PDE1C: variants seen among roughly 807,000 people sequenced by gnomAD.
PDE1C encodes phosphodiesterase 1C, also known as dual specificity calcium/calmodulin-dependent 3',5'-cyclic nucleotide phosphodiesterase 1C.
Under a neutral mutation model 93.1 loss-of-function variants are expected in PDE1C, and 62 were observed. The observed-to-expected ratio is 0.67, with a 90% CI of 0.54 to 0.82. The LOEUF is 0.82. PDE1C is among the 40% of genes least tolerant of loss of function. The pLI, the probability that PDE1C is intolerant of heterozygous loss-of-function variation, is 0.00. For synonymous variants in PDE1C, 325 were observed against 310.1 expected (o/e 1.05, Z -0.50); for missense variants, 742 against 884.6 (o/e 0.84, Z 2.04).
At chr7:31,621,276 G>A in the PDE1C span, among the ~76,000 whole-genome samples, 33 of 109,566 alleles carry the variant, frequency 3.0e-4, no homozygotes, top group Admixed American at 2.0e-3. Context: ...GATACTCCTC[G>A]AGAAGAGCAA....
intron 12 of PDE1C, 23 bp downstream of exon 12, chr7:31,828,269 T>C (rs372336627): frequency 1.4e-5 from 23 of 1,594,226 alleles, no homozygotes; most frequent in Middle Eastern, 1.7e-4. Context: ...GGTGCTTCTA[T>C]CCAAAGAGCT....
At chr7:31,818,295 G>A (rs1367972977) in intron 14 of PDE1C, among the ~76,000 whole-genome samples, 8 of 152,170 alleles carry the variant, frequency 5.3e-5, no homozygotes, top group Non-Finnish European at 8.8e-5. Context: ...TCTTGCAGAA[G>A]AAGATGGTGA....
At chr7:32,054,732 T>C (rs7790942) in intron 1 of PDE1C, among the ~76,000 whole-genome samples, 1 of 152,140 alleles carries the variant, frequency 6.6e-6, no homozygotes, top group Non-Finnish European at 1.5e-5. Context: ...TTGTAAAGTT[T>C]CCCCCTTCAA....
In PDE1C at chr7:32,152,201, A is replaced by T. The variant is rs543716809; in HGVS notation, c.308+17584T>A. Among the ~76,000 whole-genome samples the T allele has an allele frequency of 3.9e-5, 6 of 152,220 alleles. No homozygotes were observed. The East Asian group carries it at 1.2e-3, about 29-fold the overall frequency. On this transcript the variant is annotated intron_variant, in intron 3 of 18. Coordinates refer to the PDE1C transcript ENST00000396193. ...GTCATGGAGTGGAGTGGAAAGCACA[A>T]AGGCTTGGAGGTCAAAATGATGCAG...
the PDE1C span, among the ~76,000 whole-genome samples, chr7:31,736,631 G>C: frequency 6.6e-5 from 10 of 152,116 alleles, no homozygotes; most frequent in Non-Finnish European, 5.9e-5. Flanking sequence ...TTTAACACTT[G>C]GGAAACACTG....
At chr7:31,645,007 A>G in the PDE1C span, among the ~76,000 whole-genome samples, 2 of 152,190 alleles carry the variant, frequency 1.3e-5, no homozygotes, top group African/African-American at 2.4e-5. Flanking sequence ...TCCATTCCAT[A>G]AATATTTGTT....
chr7:32,246,358 C>A (rs993850067), intron 1 of PDE1C, among the ~76,000 whole-genome samples: 7 of 152,056 alleles, frequency 4.6e-5, no homozygotes, highest in Admixed American at 6.6e-5. Flanking sequence ...AAGAGCTCTG[C>A]CCCATTGGAG....
intron 16 of PDE1C, among the ~76,000 whole-genome samples, chr7:31,798,447 G>A (rs1785581387): frequency 2.0e-5 from 3 of 151,632 alleles, no homozygotes; most frequent in Admixed American, 2.0e-4. Context: ...AATGATGAAT[G>A]GCAAAGTAAA....
chr7:32,121,826 T>C (rs1333873544), intron 3 of PDE1C, among the ~76,000 whole-genome samples: 2 of 152,092 alleles, frequency 1.3e-5, no homozygotes. Flanking sequence ...GTGTGCAAAA[T>C]AACCAGATAT....
At chr7:31,638,965 C>G in the PDE1C span, among the ~76,000 whole-genome samples, 2 of 151,972 alleles carry the variant, frequency 1.3e-5, no homozygotes, top group Non-Finnish European at 2.9e-5. Context: ...TTGGTAGACA[C>G]GGGATTTCAC....
chr7:32,228,643 G>C (rs34465020), intron 1 of PDE1C, among the ~76,000 whole-genome samples: 2 of 152,154 alleles, frequency 1.3e-5, no homozygotes, highest in Non-Finnish European at 2.9e-5. Flanking sequence ...CCAATCCCCA[G>C]TCACTTCCAA....
intron 3 of PDE1C, among the ~76,000 whole-genome samples, chr7:32,108,433 C>CCACACA (rs10696295): frequency 3.7e-4 from 55 of 146,778 alleles, no homozygotes; most frequent in Middle Eastern, 3.5e-3. Context: ...AGAAAAAAAA[C>CCACACA]CACACACACA....
intron 3 of PDE1C, among the ~76,000 whole-genome samples, chr7:32,148,408 C>A (rs982493162): frequency 3.9e-5 from 6 of 152,052 alleles, no homozygotes; most frequent in African/African-American, 1.4e-4. Flanking sequence ...GTAATTTACA[C>A]TTACAGTGTA....
At chr7:31,762,856 G>A (rs554807437) in intron 17 of PDE1C, among the ~76,000 whole-genome samples, 4 of 152,258 alleles carry the variant, frequency 2.6e-5, no homozygotes, top group Non-Finnish European at 4.4e-5. Context: ...GACCCAACCA[G>A]CATTTCCAGA....
At chr7:31,888,455 A>G (rs902495589) in intron 2 of PDE1C, among the ~76,000 whole-genome samples, 1 of 151,996 alleles carries the variant, frequency 6.6e-6, no homozygotes, top group Non-Finnish European at 1.5e-5. Context: ...AATGCTTAAT[A>G]AAATGGATAG....
At chr7:31,868,847 A>T (rs1227704527) in intron 6 of PDE1C, among the ~76,000 whole-genome samples, 1 of 151,968 alleles carries the variant, frequency 6.6e-6, no homozygotes, top group Non-Finnish European at 1.5e-5. Flanking sequence ...AAAATATCTC[A>T]TTAGAAACCC....
intron 2 of PDE1C, among the ~76,000 whole-genome samples, chr7:31,896,595 A>C (rs1799356785): frequency 6.6e-6 from 1 of 152,232 alleles, no homozygotes; most frequent in South Asian, 2.1e-4. Context: ...AAAAGACAGA[A>C]GATCTCTTGA....
chr7:32,121,644 G>A (rs1036586607), intron 3 of PDE1C, among the ~76,000 whole-genome samples: 2 of 151,712 alleles, frequency 1.3e-5, no homozygotes, highest in Non-Finnish European at 3.0e-5. Context: ...AGCTTCATAA[G>A]TGAAGTGATT....
In PDE1C at chr7:31,790,033, A is replaced by G. The variant is rs577824598; in HGVS notation, c.1892-14301T>C. Reference sequence around the variant, plus strand: ...TCAGGGGAATATCCCCCAGAGTTCTAAGACCTCAAACCAACCCCCAAAGAT... The same window carrying G: ...TCAGGGGAATATCCCCCAGAGTTCTGAGACCTCAAACCAACCCCCAAAGAT... On this transcript the variant is annotated intron_variant, in intron 16 of 17. Transcript: ENST00000396191. The G allele has an allele frequency of 7.3e-6, 10 of 1,377,338 alleles. No homozygotes were observed. In the African/African-American group the frequency reaches 1.3e-4, roughly 18 times the overall value. The allele number at this position is 1,377,338 out of a possible 1,614,324, so 85.3% of individuals were successfully genotyped here.
Sources: gnomAD v4.1 joint callset for allele counts (sites outside exome capture counted in the v4.1 genomes callset) on GRCh38, gnomAD v4.1.1 for gene constraint, MANE v1.5 for transcripts, NCBI Gene and HGNC (gene_info 2026-07-23, HGNC 2026-07-21) for gene names.